Variants in DCC observed in about 807,000 individuals in gnomAD.
The protein encoded by DCC is netrin receptor DCC.
DCC carries 58 observed loss-of-function variants against 172.5 expected under a neutral mutation model. That is an observed-to-expected ratio of 0.34 (90% CI 0.27 to 0.42). DCC has a LOEUF of 0.42. DCC is among the 10% of genes least tolerant of loss of function. DCC has a pLI of 1.00. For missense variants in DCC, 1,740 were observed against 1,791.0 expected (o/e 0.97, Z 0.51); for synonymous variants, 709 against 644.5 (o/e 1.10, Z -1.52).
chr18:53,358,376 T>C (rs965669548), intron 15 of DCC, among the ~76,000 whole-genome samples: 1 of 151,994 alleles, frequency 6.6e-6, no homozygotes, highest in Admixed American at 6.6e-5. Context: ...ACAAAAAAAA[T>C]TTCTTGTAAT....
At chr18:53,050,483 C>A (rs2042320081) in intron 5 of DCC, among the ~76,000 whole-genome samples, 1 of 152,030 alleles carries the variant, frequency 6.6e-6, no homozygotes, top group African/African-American at 2.4e-5. Context: ...TTGTAGAGAT[C>A]TTTCACCTTC....
intron 14 of DCC, among the ~76,000 whole-genome samples, chr18:53,330,525 C>G (rs1043873786): frequency 2.6e-5 from 4 of 152,128 alleles, no homozygotes; most frequent in African/African-American, 9.7e-5. Context: ...TGTTTGCTCT[C>G]CCTCCTCTCT....
chr18:52,826,161 G>C (rs962724854), intron 2 of DCC, among the ~76,000 whole-genome samples: 1 of 152,138 alleles, frequency 6.6e-6, no homozygotes, highest in Non-Finnish European at 1.5e-5. Flanking sequence ...CCAGTTTGTA[G>C]ATGATTTCTA....
intron 2 of DCC, among the ~76,000 whole-genome samples, chr18:52,761,211 A>T (rs2037154848): frequency 6.6e-6 from 1 of 152,172 alleles, no homozygotes; most frequent in Non-Finnish European, 1.5e-5. Context: ...TGTGCAAGGT[A>T]ACTCCCCTTT....
At position 52,660,239 on chromosome 18, in the gene DCC, A is replaced by G. The variant is rs182091502; in HGVS notation, c.92-91815A>G. Among the ~76,000 whole-genome samples, 19 of 152,294 alleles carry G rather than the reference A, an allele frequency of 1.2e-4. 1 individual carries two copies. The highest frequency in any genetic ancestry group is 2.0e-4 in the Admixed American group (3 of 15,296). On this transcript the variant is annotated intron_variant, in intron 1 of 28. Coordinates refer to ENST00000442544, the MANE Select transcript of DCC (RefSeq NM_005215.4). ...ATCTCTTCCCACTGTTGCTAAGTTA[A>G]TAATTATTTGCCTGACAGCAAAAGG...
In DCC at chr18:52,664,418, A is replaced by G. The variant is rs1209615693; in HGVS notation, c.92-87636A>G. ...GGCATATTTTAAATTATGTCCAGAA[A>G]TGCTCCATAAATCAGTTCAGTGGCC... On this transcript the variant is annotated intron_variant, in intron 1 of 28. Coordinates refer to ENST00000442544, the MANE Select transcript of DCC (RefSeq NM_005215.4). Among the ~76,000 whole-genome samples the G allele has an allele frequency of 2.0e-5, 3 of 151,006 alleles. No individual in the cohort carries two copies. In the South Asian group the frequency reaches 6.3e-4, roughly 32 times the overall value.
chr18:53,059,117 C>T (rs2042457129), intron 5 of DCC, among the ~76,000 whole-genome samples: 1 of 152,024 alleles, frequency 6.6e-6, no homozygotes, highest in African/African-American at 2.4e-5. Context: ...GGGGAAAAGC[C>T]TCTTATAAAA....
chr18:53,144,864 A>G (rs2043882182), intron 7 of DCC, among the ~76,000 whole-genome samples: 2 of 152,096 alleles, frequency 1.3e-5, no homozygotes, highest in African/African-American at 4.8e-5. Flanking sequence ...AGTTTTTACA[A>G]TGTTTTCAGT....
At chr18:53,515,429 G>T (rs1412026290) in intron 27 of DCC, among the ~76,000 whole-genome samples, 1 of 150,474 alleles carries the variant, frequency 6.6e-6, no homozygotes, top group Non-Finnish European at 1.5e-5. Context: ...ATTCAACATA[G>T]TGTTGGAAGT....
chr18:52,679,104 A>C (rs1037158603), intron 1 of DCC, among the ~76,000 whole-genome samples: 1 of 152,102 alleles, frequency 6.6e-6, no homozygotes, highest in African/African-American at 2.4e-5. Flanking sequence ...TTATTTTTCC[A>C]CAGGGTATAA....
chr18:53,305,496 C>A, intron 12 of DCC, 82 bp from the exon 13 acceptor site: 1 of 1,172,854 alleles, frequency 8.5e-7, no homozygotes, highest in Non-Finnish European at 1.3e-6. Flanking sequence ...TTTCTTCACA[C>A]TTACGTTTGG....
At chr18:52,557,201 A>C (rs2032936561) in intron 1 of DCC, among the ~76,000 whole-genome samples, 1 of 152,230 alleles carries the variant, frequency 6.6e-6, no homozygotes. Flanking sequence ...AACAGTTAAC[A>C]AAGTATGTTA....
At chr18:53,090,712 AAAAAAAAAAAAAAAAAAAAAAAG>A (rs1221770833) in intron 7 of DCC, among the ~76,000 whole-genome samples, 7 of 107,630 alleles carry the variant, frequency 6.5e-5, no homozygotes, top group Non-Finnish European at 7.1e-5. Context: ...AAAAAAAAAA[AAAAAAAAAAAAAAAAAAAAAAAG>A]AATGTATCGT....
At chr18:53,152,388 C>T (rs2054655233) in intron 7 of DCC, among the ~76,000 whole-genome samples, 1 of 152,090 alleles carries the variant, frequency 6.6e-6, no homozygotes, top group Admixed American at 6.5e-5. Context: ...TCCTTGGTAT[C>T]TAGAAAAATT....
chr18:52,830,926 G>T (rs758975557), intron 2 of DCC, among the ~76,000 whole-genome samples: 35 of 152,050 alleles, frequency 2.3e-4, no homozygotes, highest in Non-Finnish European at 4.3e-4. Flanking sequence ...AATAATGGCT[G>T]CAATAAACAA....
intron 1 of DCC, among the ~76,000 whole-genome samples, chr18:52,361,958 C>G (rs9950294): frequency 0.1 from 15,298 of 152,278 alleles, 829 homozygotes; most frequent in African/African-American, 0.11. Context: ...CAAGGGCTGG[C>G]TCACATCTAT....
chr18:52,638,416 C>T (rs2034823320), intron 1 of DCC, among the ~76,000 whole-genome samples: 1 of 152,116 alleles, frequency 6.6e-6, no homozygotes, highest in Admixed American at 6.6e-5. Flanking sequence ...GATAAGAACT[C>T]ACAAACTAAC....
intron 5 of DCC, among the ~76,000 whole-genome samples, chr18:53,032,031 T>C (rs944029053): frequency 6.6e-6 from 1 of 152,186 alleles, no homozygotes; most frequent in African/African-American, 2.4e-5. Context: ...TGTGATTTTG[T>C]GAAATATGTA....
chr18:52,845,997 T>C (rs142752273), intron 2 of DCC, among the ~76,000 whole-genome samples: 4 of 152,354 alleles, frequency 2.6e-5, no homozygotes, highest in Admixed American at 6.5e-5. Flanking sequence ...TCCAAGGCAC[T>C]GGGGTTGCCT....
Sources: allele counts gnomAD v4.1 joint callset (sites outside exome capture counted in the v4.1 genomes callset), GRCh38; gene constraint gnomAD v4.1.1; transcripts MANE v1.5; gene names NCBI Gene and HGNC (gene_info 2026-07-23, HGNC 2026-07-21).